The following EPB41L4A variants were observed in gnomAD, a reference collection of about 807,000 sequenced individuals.
The protein encoded by EPB41L4A is erythrocyte membrane protein band 4.1 like 4A, also known as band 4.1-like protein 4A.
In EPB41L4A, 100 loss-of-function variants were observed where a neutral mutation model predicts 108.6. The observed-to-expected ratio is 0.92, with a 90% CI of 0.78 to 1.09. The LOEUF (loss-of-function observed/expected upper bound fraction) is 1.09. Ranked by LOEUF, EPB41L4A falls within the 50% of genes least tolerant of loss-of-function variation. The probability of loss-of-function intolerance (pLI) is 0.00; values close to 1 mark genes in which losing one functional copy is unlikely to be tolerated. For synonymous variants in EPB41L4A, 319 were observed against 289.0 expected (o/e 1.10, Z -1.05); for missense variants, 1,030 against 842.7 (o/e 1.22, Z -2.75).
intron 1 of EPB41L4A, among the ~76,000 whole-genome samples, chr5:112,413,232 T>C (rs768303578): frequency 2.6e-5 from 4 of 152,216 alleles, no homozygotes; most frequent in South Asian, 2.1e-4. Context: ...GTGTGATTCA[T>C]GTTTTCTGAA....
chr5:112,299,417 T>C (rs1171775422), intron 2 of EPB41L4A, among the ~76,000 whole-genome samples: 67 of 152,224 alleles, frequency 4.4e-4, no homozygotes, highest in Non-Finnish European at 1.3e-4. Flanking sequence ...TTCAGTTTTC[T>C]TAAATTTATT....
chr5:112,360,272 G>A (rs1299710352), intron 1 of EPB41L4A, among the ~76,000 whole-genome samples: 1 of 151,906 alleles, frequency 6.6e-6, no homozygotes. Flanking sequence ...ATAATAAACT[G>A]ACCCTCGACC....
At chr5:112,353,428 G>A (rs920985320) in intron 1 of EPB41L4A, among the ~76,000 whole-genome samples, 5 of 152,122 alleles carry the variant, frequency 3.3e-5, no homozygotes, top group Admixed American at 3.3e-4. Context: ...AAGCAGTGGT[G>A]GTAGAACAAC....
chr5:112,360,274 C>T (rs147811594), intron 1 of EPB41L4A, among the ~76,000 whole-genome samples: 2 of 152,132 alleles, frequency 1.3e-5, no homozygotes, highest in African/African-American at 4.8e-5. Context: ...AATAAACTGA[C>T]CCTCGACCCT....
intron 12 of EPB41L4A, among the ~76,000 whole-genome samples, chr5:112,151,223 G>A (rs1759452511): frequency 6.6e-6 from 1 of 151,846 alleles, no homozygotes; most frequent in African/African-American, 2.4e-5. Flanking sequence ...AGTATTTAAT[G>A]ACTATAAATC....
chr5:112,394,126 C>A (rs1761160699), intron 1 of EPB41L4A, among the ~76,000 whole-genome samples: 1 of 152,162 alleles, frequency 6.6e-6, no homozygotes, highest in Non-Finnish European at 1.5e-5. Flanking sequence ...AACCCACAGC[C>A]AATATCATAC....
rs114968251 is a variant in EPB41L4A at position 112,344,561 on chromosome 5, C to G, written c.100-37071G>C. On this transcript the variant is annotated intron_variant, in intron 1 of 22. Coordinates refer to ENST00000261486, the MANE Select transcript of EPB41L4A (RefSeq NM_022140.5). ...AACACTAAGTGTTTCTGTGAAGATA[C>G]TATGTAGGTGTGATTGAAGTCTATA... Among the ~76,000 whole-genome samples, 350 of 152,306 alleles carry G rather than the reference C, an allele frequency of 2.3e-3. 3 individuals are homozygous for G. Among genetic ancestry groups the G allele is most frequent in the African/African-American group, 7.8e-3 (324 of 41,558 alleles).
intron 1 of EPB41L4A, among the ~76,000 whole-genome samples, chr5:112,357,635 C>T (rs760622259): frequency 8.5e-5 from 13 of 152,262 alleles, no homozygotes; most frequent in East Asian, 7.7e-4. Flanking sequence ...GTGAAATCAT[C>T]CCAACAGAAC....
chr5:112,366,844 T>G (rs902218587), intron 1 of EPB41L4A, among the ~76,000 whole-genome samples: 1 of 152,176 alleles, frequency 6.6e-6, no homozygotes, highest in African/African-American at 2.4e-5. Context: ...GTGTGTCTTA[T>G]CCTACTGTAC....
intron 12 of EPB41L4A, among the ~76,000 whole-genome samples, chr5:112,156,732 T>C (rs929342905): frequency 2.0e-5 from 3 of 152,216 alleles, no homozygotes; most frequent in African/African-American, 7.2e-5. Flanking sequence ...TCTCCTTCAG[T>C]TGATCACAGA....
At chr5:112,226,002 G>A (rs1374497510) in intron 12 of EPB41L4A, among the ~76,000 whole-genome samples, 1 of 152,150 alleles carries the variant, frequency 6.6e-6, no homozygotes, top group African/African-American at 2.4e-5. Context: ...AATGCTCAGC[G>A]ATCATTAGTC....
chr5:112,226,870 T>C (rs942439083), intron 12 of EPB41L4A, among the ~76,000 whole-genome samples: 1 of 151,322 alleles, frequency 6.6e-6, no homozygotes, highest in Non-Finnish European at 1.5e-5. Flanking sequence ...AGTCATAAGA[T>C]GAAAACACTC....
At chr5:112,212,691 G>C (rs75882618) in intron 12 of EPB41L4A, among the ~76,000 whole-genome samples, 4,954 of 152,130 alleles carry the variant, frequency 0.033, 309 homozygotes, top group African/African-American at 0.11. Context: ...AAATGAAAAG[G>C]AGCTTCATGT....
At chr5:112,182,026 T>C (rs1761182948) in intron 18 of EPB41L4A, among the ~76,000 whole-genome samples, 3 of 151,114 alleles carry the variant, frequency 2.0e-5, no homozygotes, top group Admixed American at 6.6e-5. Context: ...TGAGCCAGGA[T>C]TGGGCCACTG....
intron 2 of EPB41L4A, among the ~76,000 whole-genome samples, chr5:112,282,751 G>C (rs1031641915): frequency 6.6e-6 from 1 of 152,032 alleles, no homozygotes; most frequent in African/African-American, 2.4e-5. Context: ...CTTGTGGCAA[G>C]AAGGGAAAAA....
rs547634376 is a variant in EPB41L4A at position 112,209,707 on chromosome 5, A to G, written c.1178+185T>C. Among the ~76,000 whole-genome samples the G allele has an allele frequency of 1.4e-3, 210 of 152,350 alleles. 2 individuals are homozygous for G. The highest frequency in any genetic ancestry group is 4.8e-3 in the African/African-American group (198 of 41,576). ...AGCACTTTCTTCAAATAAGAGAGTCAGGTCCTGATGTTTTATATTTCATTG... is the reference window on the plus strand; with the variant it reads ...AGCACTTTCTTCAAATAAGAGAGTCGGGTCCTGATGTTTTATATTTCATTG... On this transcript the variant is annotated intron_variant, in intron 13 of 22. Coordinates refer to ENST00000261486, the MANE Select transcript of EPB41L4A (RefSeq NM_022140.5).
chr5:112,276,123 G>C (rs923841477), intron 3 of EPB41L4A, among the ~76,000 whole-genome samples: 14 of 152,070 alleles, frequency 9.2e-5, no homozygotes, highest in African/African-American at 3.4e-4. Context: ...TTTTTTTACA[G>C]GAAAAAAGTC....
intron 9 of EPB41L4A, chr5:112,249,653 C>G (rs1236705860): frequency 6.6e-6 from 1 of 152,124 alleles, no homozygotes; most frequent in Non-Finnish European, 1.5e-5. Flanking sequence ...CAACAAAATT[C>G]ACCAATTTTG....
downstream of EPB41L4A, chr5:112,161,678 T>G (rs1175435078): frequency 2.0e-6 from 1 of 503,988 alleles, no homozygotes; most frequent in East Asian, 5.5e-5. Context: ...ATGGTTTCTC[T>G]TAGCCAGTTC....
Sources: gnomAD v4.1 joint callset for allele counts (sites outside exome capture counted in the v4.1 genomes callset) on GRCh38, gnomAD v4.1.1 for gene constraint, MANE v1.5 for transcripts, NCBI Gene and HGNC (gene_info 2026-07-23, HGNC 2026-07-21) for gene names.